PRRC2C: variants seen among roughly 807,000 people sequenced by gnomAD.
PRRC2C encodes proline rich coiled-coil 2C.
Under a neutral mutation model 317.2 loss-of-function variants are expected in PRRC2C, and 72 were observed. The ratio of observed to expected loss-of-function variants is 0.23; its 90% CI spans 0.19 to 0.28. The LOEUF is 0.28. Among genes scored for constraint, PRRC2C ranks in the 10% least tolerant of loss-of-function variants. The pLI is 1.00. For synonymous variants in PRRC2C, 1,296 were observed against 1,205.9 expected (o/e 1.07, Z -1.55); for missense variants, 3,074 against 3,459.7 (o/e 0.89, Z 2.80).
At position 171,490,914 on chromosome 1, in the gene PRRC2C, G is replaced by T. The variant is rs191046210; in HGVS notation, c.-58+5179G>T. Among the ~76,000 whole-genome samples the T allele has an allele frequency of 1.3e-3, 205 of 152,296 alleles. 5 individuals are homozygous for T. The highest frequency in any genetic ancestry group is 0.011 in the Admixed American group (162 of 15,296). ...CTTTGTGCCAGCTGTTAATTTTGGG[G>T]CAAGTTAACCTGGCTTAAGTTTTAA... On this transcript the variant is annotated intron_variant, in intron 1 of 34. Coordinates refer to ENST00000647382, the MANE Select transcript of PRRC2C (RefSeq NM_001387844.1).
Position 171,550,211 on chromosome 1 carries a change from C to T in PRRC2C, c.5098C>T (p.Arg1700Cys), listed in dbSNP as rs1330099542. The T allele has an allele frequency of 1.9e-6, 3 of 1,601,832 alleles. No homozygotes were observed. Among genetic ancestry groups the T allele is most frequent in the Non-Finnish European group, 2.6e-6 (3 of 1,173,974 alleles). ...KQQKRLQDEE[R>C]RKKEEQVIQV... ...ACAAAAACGTTTACAGGATGAAGAA[C>T]GCCGAAAGAAGGAAGAACAAGTCAT... The change falls in exon 18 of 35, where the codon CGC (arginine) becomes TGC (cysteine). Residue 1700 changes from arginine to cysteine, a missense_variant. By Grantham distance (180) the Arg-to-Cys change is radical. Transcript: ENST00000647382.
At chr1:171,528,482 G>A (rs1043391247) in intron 11 of PRRC2C, among the ~76,000 whole-genome samples, 4 of 151,136 alleles carry the variant, frequency 2.6e-5, no homozygotes, top group African/African-American at 7.4e-5. Flanking sequence ...TAGTAGAGAC[G>A]GGGTTTCACC....
chr1:171,500,328 A>G (rs1436068097), intron 1 of PRRC2C, among the ~76,000 whole-genome samples: 2 of 152,256 alleles, frequency 1.3e-5, no homozygotes, highest in East Asian at 1.9e-4. Context: ...TTGAGAGACC[A>G]TAGCTAATCT....
Position 171,489,752 on chromosome 1 carries a change from T to C in PRRC2C, c.-58+4017T>C, listed in dbSNP as rs189509895. 3.8e-3 allele frequency among the ~76,000 whole-genome samples: 578 copies of C among 152,340 alleles called. 3 individuals carry two copies. The highest frequency in any genetic ancestry group is 5.1e-3 in the Non-Finnish European group (350 of 68,028). On this transcript the variant is annotated intron_variant, in intron 1 of 34. Transcript: ENST00000647382. ...AGTGGTAGAAATGGCATTTGAATTA[T>C]TGATCCAGAGCCTGAGTGCCTAACT... is the stretch of plus-strand genomic sequence containing the variant.
chr1:171,526,805 C>CTTTTTTT (rs938229816), intron 10 of PRRC2C, among the ~76,000 whole-genome samples: 1,547 of 90,142 alleles, frequency 0.017, 271 homozygotes, highest in Non-Finnish European at 0.02. Context: ...AGAAATATAT[C>CTTTTTTT]TTTTTTTTTT....
intron 11 of PRRC2C, among the ~76,000 whole-genome samples, chr1:171,529,171 C>A (rs1490068922): frequency 6.6e-6 from 1 of 152,150 alleles, no homozygotes; most frequent in Admixed American, 6.5e-5. Flanking sequence ...TCCTTCTGGG[C>A]CTCCTACACT....
chr1:171,555,784 G>A (rs1681254801), intron 18 of PRRC2C, among the ~76,000 whole-genome samples: 1 of 152,188 alleles, frequency 6.6e-6, no homozygotes. Context: ...ACCAGCAGAG[G>A]CTGCAGAACA....
chr1:171,525,207 T>C (rs1029116901), intron 10 of PRRC2C, among the ~76,000 whole-genome samples: 2 of 152,212 alleles, frequency 1.3e-5, no homozygotes, highest in African/African-American at 2.4e-5. Context: ...TTTTACCTTA[T>C]GATATAGCTC....
chr1:171,554,882 G>T (rs1056696086), intron 18 of PRRC2C, among the ~76,000 whole-genome samples: 13 of 152,098 alleles, frequency 8.5e-5, no homozygotes, highest in Non-Finnish European at 1.6e-4. Context: ...TTTCTCTCTG[G>T]CTGCGCTTAA....
chr1:171,573,920 G>A (rs1023962914), intron 24 of PRRC2C, among the ~76,000 whole-genome samples: 3 of 151,666 alleles, frequency 2.0e-5, no homozygotes, highest in East Asian at 1.9e-4. Context: ...CTCGTGATCC[G>A]CCTGCCTCAG....
At chr1:171,512,940 A>G (rs554695318) in intron 2 of PRRC2C, 55 bp from the exon 3 acceptor site, 1 of 1,463,736 alleles carries the variant, frequency 6.8e-7, no homozygotes, top group Non-Finnish European at 9.2e-7. Context: ...TGTTTGAGGA[A>G]TAAAATGGGT....
At position 171,557,703 on chromosome 1, in the gene PRRC2C, C is replaced by G; in HGVS notation, c.5591C>G (p.Pro1864Arg). 1 of 1,551,596 alleles carries G rather than the reference C, an allele frequency of 6.4e-7. No homozygotes were observed. The highest frequency in any genetic ancestry group is 8.7e-7 in the Non-Finnish European group (1 of 1,146,980). ...SVTILASASI[P>R]ILASALASTS... ...ACCATTCTTGCCTCAGCCTCAATTC[C>G]CATTCTTGCTTCAGCCCTAGCATCA... is the stretch of plus-strand genomic sequence containing the variant. Residue 1864 changes from proline (P) to arginine (R), a missense_variant, in exon 19 of 35, where the codon CCC becomes CGC. Physicochemically the swap from Pro to Arg is moderately radical, Grantham distance 103 (BLOSUM62 -2). Around this residue, in one of 11 missense-constraint regions of PRRC2C, gnomAD observed 640 missense variants for 676.1 expected, o/e 0.95. Coordinates refer to ENST00000647382, the MANE Select transcript of PRRC2C (RefSeq NM_001387844.1).
chr1:171,574,376 G>C (rs910763717), intron 24 of PRRC2C, among the ~76,000 whole-genome samples: 4 of 152,030 alleles, frequency 2.6e-5, no homozygotes, highest in Admixed American at 6.6e-5. Flanking sequence ...TTGAAATAAG[G>C]CCATTTTCTG....
chr1:171,567,512 T>G (rs1220204725), intron 22 of PRRC2C, among the ~76,000 whole-genome samples: 1 of 152,232 alleles, frequency 6.6e-6, no homozygotes, highest in African/African-American at 2.4e-5. Context: ...ACAGCTGAAT[T>G]CATATAAGTA....
At chr1:171,539,687 G>A (rs2102483781) in intron 15 of PRRC2C, among the ~76,000 whole-genome samples, 1 of 152,258 alleles carries the variant, frequency 6.6e-6, no homozygotes, top group South Asian at 2.1e-4. Flanking sequence ...GTTTATCCAT[G>A]TTGTAGCATA....
chr1:171,587,534 T>C, intron 31 of PRRC2C, 114 bp from the exon 32 acceptor site: 1 of 716,054 alleles, frequency 1.4e-6, no homozygotes. Flanking sequence ...AGGAGTTTTG[T>C]ACTAAGGTTC....
chr1:171,519,883 AT>A (rs998286838), intron 6 of PRRC2C, among the ~76,000 whole-genome samples: 3 of 152,126 alleles, frequency 2.0e-5, no homozygotes, highest in Non-Finnish European at 4.4e-5. Flanking sequence ...TCTTCTCTGT[AT>A]TGTTCCAATT....
intron 1 of PRRC2C, among the ~76,000 whole-genome samples, chr1:171,490,977 C>T (rs1312348929): frequency 6.6e-6 from 1 of 152,014 alleles, no homozygotes; most frequent in Non-Finnish European, 1.5e-5. Flanking sequence ...TATCCATTTC[C>T]CCTATCTCAG....
At chr1:171,508,058 G>A (rs961384663) in intron 1 of PRRC2C, among the ~76,000 whole-genome samples, 2 of 152,136 alleles carry the variant, frequency 1.3e-5, no homozygotes, top group African/African-American at 4.8e-5. Context: ...AAATTTTAGA[G>A]TTTTCTACTT....
Sources: gnomAD v4.1 joint callset for allele counts (sites outside exome capture counted in the v4.1 genomes callset) on GRCh38, gnomAD v4.1.1 for gene constraint, gnomAD v4.1.1 regional missense constraint, MANE v1.5 for transcripts, NCBI Gene and HGNC (gene_info 2026-07-23, HGNC 2026-07-21) for gene names.